Variants in TTC7B observed in about 807,000 individuals in gnomAD.
TTC7B encodes tetratricopeptide repeat domain 7B.
A neutral mutation model predicts 106.8 loss-of-function variants in TTC7B; 28 were observed. The observed-to-expected ratio is 0.26, with a 90% CI of 0.19 to 0.36. The LOEUF (loss-of-function observed/expected upper bound fraction) is 0.36, where lower values mean the gene tolerates loss of function less well. TTC7B is among the 10% of genes least tolerant of loss of function. The pLI is 1.00. For missense variants in TTC7B, 862 were observed against 1,076.4 expected, an observed-to-expected ratio of 0.80 and a Z score of 2.79; for synonymous variants, 405 against 430.6, an observed-to-expected ratio of 0.94 and a Z score of 0.74.
At chr14:90,792,363 G>A (rs1457740087) in intron 1 of TTC7B, among the ~76,000 whole-genome samples, 3 of 152,100 alleles carry the variant, frequency 2.0e-5, no homozygotes, top group Non-Finnish European at 4.4e-5. Context: ...GATCGCTTGA[G>A]GTCAGGAGTT....
In TTC7B at chr14:90,608,566, C is replaced by A. The variant is rs1892746546; in HGVS notation, c.1966+2176G>T. 1.3e-5 allele frequency among the ~76,000 whole-genome samples: 2 copies of A among 152,236 alleles called. No homozygotes were observed. Among genetic ancestry groups the A allele is most frequent in the East Asian group, 3.9e-4 (2 of 5,176 alleles). ...CTCTCTGGAAGTGAATGGTGGCCCA[C>A]CCGAGAGACTGGCTGCATCAGTACC... is the stretch of plus-strand genomic sequence containing the variant. On this transcript the variant is annotated intron_variant, in intron 17 of 19. Coordinates refer to ENST00000328459, the MANE Select transcript of TTC7B (RefSeq NM_001010854.2). This position sits in a 1 kb window ranked among gnomAD's most constrained non-coding sequence, Gnocchi z 5.1.
At chr14:90,730,876 CA>C (rs1439899964) in intron 4 of TTC7B, among the ~76,000 whole-genome samples, 1 of 152,156 alleles carries the variant, frequency 6.6e-6, no homozygotes. Flanking sequence ...TAGCCCTGCA[CA>C]AAAGACTGCC....
In TTC7B at chr14:90,578,681, G is replaced by A. The variant is rs1229284205; in HGVS notation, c.2108-373C>T. ...TGGCTCTGACCCCCATAGAAAAAGGGCCAGAATGAACAAGGGCACAAGCAG... is the reference window on the plus strand; with the variant it reads ...TGGCTCTGACCCCCATAGAAAAAGGACCAGAATGAACAAGGGCACAAGCAG... On this transcript the variant is annotated intron_variant, in intron 18 of 19. Transcript: ENST00000328459. This position sits in a 1 kb window ranked among gnomAD's most constrained non-coding sequence, Gnocchi z 4.7. Among the ~76,000 whole-genome samples the A allele has an allele frequency of 1.3e-5, 2 of 151,916 alleles. No individual in the cohort carries two copies. The highest frequency in any genetic ancestry group is 2.9e-5 in the Non-Finnish European group (2 of 68,000).
Position 90,643,935 on chromosome 14 carries a change from T to C in TTC7B, c.1751+113A>G, listed in dbSNP as rs1383381408. The C allele has an allele frequency of 2.3e-6, 3 of 1,285,526 alleles. No individual in the cohort carries two copies. In the East Asian group the frequency reaches 6.9e-5, roughly 30 times the overall value. The allele number at this position is 1,285,526 out of a possible 1,614,324, so 79.6% of individuals were successfully genotyped here. A position where few individuals can be genotyped will look rare whatever the true frequency, so the allele number is the denominator to read the frequency against. ...AATAACAGTAAAGGGGATTTTATAT[T>C]ATTGACTGCCAGGGTGTCCATGAGG... On this transcript the variant is annotated intron_variant, in intron 15 of 19. Coordinates refer to ENST00000328459, the MANE Select transcript of TTC7B (RefSeq NM_001010854.2).
intron 4 of TTC7B, 95 bp downstream of exon 4, chr14:90,744,697 G>T: frequency 7.6e-7 from 1 of 1,320,734 alleles, no homozygotes; most frequent in Non-Finnish European, 1.1e-6. Context: ...CACAGAGACA[G>T]ACAAGTTGAA....
At chr14:90,746,518 A>ATTTCATTGACTTTGG (rs1889972703) in intron 3 of TTC7B, among the ~76,000 whole-genome samples, 1 of 152,128 alleles carries the variant, frequency 6.6e-6, no homozygotes, top group African/African-American at 2.4e-5. Context: ...AGATTCCTTG[A>ATTTCATTGACTTTGG]TTTCATTGAC....
chr14:90,581,391 G>A (rs1257210004), intron 18 of TTC7B, among the ~76,000 whole-genome samples: 1 of 152,172 alleles, frequency 6.6e-6, no homozygotes, highest in African/African-American at 2.4e-5. Context: ...TCTCCCTTCT[G>A]GGAGACAAAC....
chr14:90,529,081 C>T lies in TTC7B; in HGVS notation c.*12287G>A, dbSNP rs117327026. 0.028 allele frequency: 4,273 copies of T among 150,068 alleles called. 117 individuals carry two copies. Among genetic ancestry groups the T allele is most frequent in the East Asian group, 0.17 (839 of 4,976 alleles). The allele number at this position is 150,068 out of a possible 1,614,324, so 9.3% of individuals were successfully genotyped here. On this transcript the variant is annotated 3_prime_UTR_variant, in exon 20 of 20. Transcript: ENST00000328459. ...TGTTTCCAATGGTGTGACCTGACTG[C>T]GCTTTGTTACCTGTTTCCGATGGTG...
intron 19 of TTC7B, among the ~76,000 whole-genome samples, chr14:90,555,025 G>A (rs1207667997): frequency 1.3e-5 from 2 of 152,206 alleles, no homozygotes. Flanking sequence ...AGGAGAAGGA[G>A]GGCAAGTACC....
chr14:90,556,622 G>T (rs1890318976), intron 19 of TTC7B, among the ~76,000 whole-genome samples: 1 of 152,212 alleles, frequency 6.6e-6, no homozygotes, highest in Non-Finnish European at 1.5e-5. Flanking sequence ...CAGCCTGGAA[G>T]CTGGCACTCC....
rs191326507 is a variant in TTC7B at position 90,649,266 on chromosome 14, A to G, written c.1518-2243T>C. Among the ~76,000 whole-genome samples the G allele has an allele frequency of 2.0e-5, 3 of 152,382 alleles. No homozygotes were observed. In the East Asian group the frequency reaches 5.8e-4, roughly 29 times the overall value. On this transcript the variant is annotated intron_variant, in intron 13 of 19. Coordinates refer to ENST00000328459, the MANE Select transcript of TTC7B (RefSeq NM_001010854.2). ...CTTATTTCTACAACTTGGCTAATGA[A>G]TTCAACTGACCACTTCACCCTCTGA...
At chr14:90,727,550 T>C (rs905708897) in intron 5 of TTC7B, among the ~76,000 whole-genome samples, 1 of 152,236 alleles carries the variant, frequency 6.6e-6, no homozygotes, top group East Asian at 1.9e-4. Context: ...GCTTAGGAAC[T>C]GGTCCTGGCA....
At chr14:90,687,771 A>G (rs768945583) in intron 7 of TTC7B, among the ~76,000 whole-genome samples, 5 of 152,244 alleles carry the variant, frequency 3.3e-5, no homozygotes, top group African/African-American at 4.8e-5. Context: ...CTCATGGTTC[A>G]ACAAGGCTGT....
intron 3 of TTC7B, among the ~76,000 whole-genome samples, chr14:90,753,195 C>T (rs931658005): frequency 4.6e-5 from 7 of 152,224 alleles, no homozygotes; most frequent in African/African-American, 1.4e-4. Context: ...TAACTCTAAG[C>T]ACTGCTTCCT....
rs145962786 is a variant in TTC7B at position 90,587,209 on chromosome 14, C to T, written c.2107+6277G>A. Among the ~76,000 whole-genome samples, 742 of 152,368 alleles carry T rather than the reference C, an allele frequency of 4.9e-3. 6 individuals are homozygous for T. Among genetic ancestry groups the T allele is most frequent in the Non-Finnish European group, 8.9e-3 (603 of 68,034 alleles). The stretch of plus-strand genomic sequence containing the variant: ...AGGCCGGACTCAGGCAATCCTCCCA[C>T]CTCAGCCTCCTGAGTAGTGCCCAGC... On this transcript the variant is annotated intron_variant, in intron 18 of 19. Coordinates refer to ENST00000328459, the MANE Select transcript of TTC7B (RefSeq NM_001010854.2).
At chr14:90,664,718 A>T (rs1233613467) in intron 9 of TTC7B, among the ~76,000 whole-genome samples, 1 of 152,248 alleles carries the variant, frequency 6.6e-6, no homozygotes, top group East Asian at 1.9e-4. Flanking sequence ...GAGGACAAAA[A>T]GAGCAGTCAC....
chr14:90,786,349 C>T, intron 1 of TTC7B, 21 bp from the exon 2 acceptor site: 1 of 1,612,094 alleles, frequency 6.2e-7, no homozygotes, highest in Non-Finnish European at 8.5e-7. Context: ...AAAGTGAGAA[C>T]AAAGTGGGAG....
intron 1 of TTC7B, among the ~76,000 whole-genome samples, chr14:90,799,126 G>A (rs886467052): frequency 5.3e-5 from 8 of 151,948 alleles, no homozygotes; most frequent in African/African-American, 1.4e-4. Flanking sequence ...TCACGCACCC[G>A]TGCTCCAGGT....
At chr14:90,750,987 G>C (rs1018247202) in intron 3 of TTC7B, among the ~76,000 whole-genome samples, 1 of 152,308 alleles carries the variant, frequency 6.6e-6, no homozygotes, top group East Asian at 1.9e-4. Context: ...AGAGTCCTGA[G>C]GTCATGGACA....
Sources: gnomAD v4.1 joint callset for allele counts (sites outside exome capture counted in the v4.1 genomes callset) on GRCh38, gnomAD v4.1.1 for gene constraint, Gnocchi (gnomAD v3.1) non-coding constraint, MANE v1.5 for transcripts, NCBI Gene and HGNC (gene_info 2026-07-23, HGNC 2026-07-21) for gene names.